NFIC: variants seen among roughly 807,000 people sequenced by gnomAD.
The protein encoded by NFIC is nuclear factor I C, also known as nuclear factor 1 C-type.
A neutral mutation model predicts 54.4 loss-of-function variants in NFIC; 12 were observed. That is an observed-to-expected ratio of 0.22 (90% CI 0.14 to 0.36). NFIC has a LOEUF of 0.36. NFIC is among the 10% of genes least tolerant of loss of function. NFIC has a pLI of 1.00. For missense variants in NFIC, 575 were observed against 718.2 expected, an observed-to-expected ratio of 0.80 and a Z score of 2.28; for synonymous variants, 322 against 319.2, an observed-to-expected ratio of 1.01 and a Z score of -0.09.
chr19:3,366,583 A>G lies in NFIC; in HGVS notation c.-54A>G. 8.8e-7 allele frequency: 1 copy of G among 1,135,250 alleles called. No individual in the cohort carries two copies. The highest frequency in any genetic ancestry group is 2.9e-5 in the East Asian group (1 of 34,900). 70.3% of individuals were successfully genotyped at this position (1,135,250 alleles called of 1,614,324 possible). A position where few individuals can be genotyped will look rare whatever the true frequency, so the allele number is the denominator to read the frequency against. On this transcript the variant is annotated 5_prime_UTR_variant, in exon 1 of 11. Coordinates refer to ENST00000443272, the MANE Select transcript of NFIC (RefSeq NM_001245002.2). ...GGGGGGTGGTTTGGAAAAATGACTC[A>G]GTAAGTTCAGCGCGCCCGCTCCGGC...
chr19:3,449,062 A>G lies in NFIC; in HGVS notation c.1007A>G (p.Asn336Ser). ...ACAGAGATGGACAAGTCACCATTCA[A>G]CAGCCCGTCCCCCCAGGACTCTCCC... Reference protein sequence around the residue: ...KKTEMDKSPFNSPSPQDSPRL... With the variant: ...KKTEMDKSPFSSPSPQDSPRL... Residue 336 changes from asparagine (N) to serine (S), a missense_variant, in exon 7 of 11, where the codon AAC becomes AGC. Asn to Ser is a conservative substitution (Grantham distance 46). Coordinates refer to ENST00000443272, the MANE Select transcript of NFIC (RefSeq NM_001245002.2). 6.2e-7 allele frequency: 1 copy of G among 1,612,966 alleles called. No homozygotes were observed. Among genetic ancestry groups the G allele is most frequent in the Non-Finnish European group, 8.5e-7 (1 of 1,179,664 alleles).
intron 9 of NFIC, among the ~76,000 whole-genome samples, chr19:3,455,483 A>G (rs1368384819): frequency 6.8e-6 from 1 of 146,678 alleles, no homozygotes; most frequent in Non-Finnish European, 1.5e-5. Flanking sequence ...TTATGCCCAG[A>G]GCCTGGCATA....
intron 2 of NFIC, among the ~76,000 whole-genome samples, chr19:3,412,843 A>C (rs1158349707): frequency 6.6e-6 from 1 of 152,126 alleles, no homozygotes; most frequent in Non-Finnish European, 1.5e-5. Context: ...GGTGCTCTGA[A>C]ATTTCTCTGG....
At chr19:3,390,407 A>G (rs927955520) in intron 2 of NFIC, among the ~76,000 whole-genome samples, 1 of 152,178 alleles carries the variant, frequency 6.6e-6, no homozygotes, top group Non-Finnish European at 1.5e-5. Context: ...CACAGCAGAC[A>G]AGAGCCCACC....
intron 10 of NFIC, chr19:3,457,751 G>C (rs956431655): frequency 6.6e-6 from 1 of 152,272 alleles, no homozygotes. Context: ...CAAGGGTCAC[G>C]GGGCCTCCCC....
At chr19:3,429,563 C>G (rs1254607280) in intron 3 of NFIC, among the ~76,000 whole-genome samples, 2 of 152,156 alleles carry the variant, frequency 1.3e-5, no homozygotes, top group African/African-American at 4.8e-5. Context: ...TGCACTCGAG[C>G]CTGGGCAACA....
chr19:3,424,149 T>A (rs1319924751), intron 2 of NFIC, among the ~76,000 whole-genome samples: 2 of 152,014 alleles, frequency 1.3e-5, no homozygotes, highest in Non-Finnish European at 2.9e-5. Context: ...TGACTCAGCC[T>A]CCTGAGTAGC....
chr19:3,397,527 G>A (rs1473224640), intron 2 of NFIC, among the ~76,000 whole-genome samples: 1 of 152,148 alleles, frequency 6.6e-6, no homozygotes, highest in Non-Finnish European at 1.5e-5. Context: ...GGGTGTCTCT[G>A]TGACTCTGTC....
chr19:3,411,822 C>T (rs565062034), intron 2 of NFIC, among the ~76,000 whole-genome samples: 1 of 152,244 alleles, frequency 6.6e-6, no homozygotes, highest in South Asian at 2.1e-4. Context: ...TAGTTTCTCC[C>T]GTGTCCGTGT....
intron 3 of NFIC, among the ~76,000 whole-genome samples, chr19:3,427,805 G>C (rs1293470605): frequency 8.9e-6 from 1 of 112,258 alleles, no homozygotes; most frequent in Admixed American, 1.0e-4. Context: ...GACACAGCGA[G>C]ACTCTGTCAA....
rs968849414 is a variant in NFIC at position 3,375,063 on chromosome 19, G to A, written c.31-6649G>A. Among the ~76,000 whole-genome samples the A allele has an allele frequency of 1.3e-5, 2 of 150,180 alleles. No individual in the cohort carries two copies. The highest frequency in any genetic ancestry group is 3.0e-5 in the Non-Finnish European group (2 of 67,742). The stretch of plus-strand genomic sequence containing the variant: ...AGTTAGGGAGGAGGAAGGGAACTCA[G>A]ATCTACGAGGGGCCAGATGAGAAAA... On this transcript the variant is annotated intron_variant, in intron 1 of 10. Transcript: ENST00000443272. This position sits in a 1 kb window ranked among gnomAD's most constrained non-coding sequence, Gnocchi z 4.6.
At chr19:3,363,153 A>G (rs2080831261), upstream of NFIC, among the ~76,000 whole-genome samples, 1 of 150,770 alleles carries the variant, frequency 6.6e-6, no homozygotes, top group South Asian at 2.1e-4. Flanking sequence ...ACATGTGCAT[A>G]TGTGTATATT....
At position 3,463,157 on chromosome 19, in the gene NFIC, G is replaced by GCCGC. The variant is rs573679441; in HGVS notation, c.*397_*400dup. 1.3e-4 allele frequency: 141 copies of GCCGC among 1,085,574 alleles called. 1 individual carries two copies. In the South Asian group the frequency reaches 3.7e-3, roughly 28 times the overall value. The allele number at this position is 1,085,574 out of a possible 1,614,324, so 67.2% of individuals were successfully genotyped here. ...TGCTGCTCGGGAAGGACAGACGCCG[G>GCCGC]CCGCCCGCCCGCGCCCCGGAGGCCC... On this transcript the variant is annotated 3_prime_UTR_variant, in exon 11 of 11. Coordinates refer to ENST00000443272, the MANE Select transcript of NFIC (RefSeq NM_001245002.2).
At chr19:3,422,271 A>G (rs1321700557) in intron 2 of NFIC, among the ~76,000 whole-genome samples, 1 of 151,360 alleles carries the variant, frequency 6.6e-6, no homozygotes, top group African/African-American at 2.4e-5. Context: ...ACGGGGTCTC[A>G]CTATGTTGCC....
At chr19:3,359,777 G>T in intron 1 of NFIC, 2 of 1,274,626 alleles carry the variant, frequency 1.6e-6, no homozygotes, top group Non-Finnish European at 2.0e-6. Flanking sequence ...TGGGGGGACA[G>T]GGGGCGGGGG....
At chr19:3,364,448 A>AT (rs545667755), upstream of NFIC, among the ~76,000 whole-genome samples, 93 of 152,286 alleles carry the variant, frequency 6.1e-4, no homozygotes, top group East Asian at 0.017. Context: ...CCACGCGGCA[A>AT]TTTAGGGAAC....
chr19:3,359,646 C>G (rs1270012821), upstream of NFIC: 6 of 1,360,870 alleles, frequency 4.4e-6, no homozygotes, highest in Admixed American at 2.9e-5. Context: ...CGAGCGCGCT[C>G]GCTCCGGCGC....
At chr19:3,379,099 A>G (rs1346066253) in intron 1 of NFIC, among the ~76,000 whole-genome samples, 11 of 151,954 alleles carry the variant, frequency 7.2e-5, no homozygotes, top group Admixed American at 7.2e-4. Context: ...TCGCCCTGTC[A>G]CCCAGGCTGG....
chr19:3,382,983 G>C (rs1361314625), intron 2 of NFIC, among the ~76,000 whole-genome samples: 1 of 151,680 alleles, frequency 6.6e-6, no homozygotes, highest in African/African-American at 2.4e-5. Flanking sequence ...TCCAATGGTA[G>C]AGGCAGGATC....
Sources: gnomAD v4.1 joint callset for allele counts (sites outside exome capture counted in the v4.1 genomes callset) on GRCh38, gnomAD v4.1.1 for gene constraint, Gnocchi (gnomAD v3.1) non-coding constraint, MANE v1.5 for transcripts, NCBI Gene and HGNC (gene_info 2026-07-23, HGNC 2026-07-21) for gene names.